MGST1: variants seen among roughly 807,000 people sequenced by gnomAD.
MGST1 encodes glutathione S-transferase 12.
In MGST1, 5 loss-of-function variants were observed where a neutral mutation model predicts 8.9. The observed-to-expected ratio is 0.56, with a 90% CI of 0.29 to 1.19. The LOEUF (loss-of-function observed/expected upper bound fraction) is 1.19. Ranked by LOEUF, MGST1 falls within the 50% of genes most tolerant of loss-of-function variation. The pLI is 0.08. For synonymous variants in MGST1, 54 were observed against 67.8 expected (o/e 0.80, Z 1.00); for missense variants, 182 against 187.4 (o/e 0.97, Z 0.17).
At chr12:16,402,541 A>AATAAG in intron 1 of MGST1, 1 of 820,928 alleles carries the variant, frequency 1.2e-6, no homozygotes, top group East Asian at 2.6e-5. Flanking sequence ...TAAGCTACTA[A>AATAAG]CACTTCTTAT....
At position 16,548,061 on chromosome 12, in the gene MGST1, C is replaced by A. The variant is rs569376964; in HGVS notation, n.483-41467C>A. Among the ~76,000 whole-genome samples the A allele has an allele frequency of 6.6e-6, 1 of 152,116 alleles. No individual in the cohort carries two copies. Among genetic ancestry groups the A allele is most frequent in the Non-Finnish European group, 1.5e-5 (1 of 68,012 alleles). On this transcript the variant is annotated intron_variant and non_coding_transcript_variant, in intron 4 of 4. Coordinates refer to the MGST1 transcript ENST00000538857. This position sits in a 1 kb window ranked among gnomAD's most constrained non-coding sequence, Gnocchi z 4.2. ...CAGAATAGAAAATTTGAAATTTAAT[C>A]TGACAACAGCAACAGAGTTGCTTTC...
rs1940115107 is a variant in MGST1 at position 16,363,928 on chromosome 12, A to G, written c.355A>G (p.Ile119Val). The change falls in exon 4 of 4, where the codon ATT becomes GTT. Residue 119 changes from isoleucine to valine, a missense_variant. Physicochemically the swap from Ile to Val is conservative, Grantham distance 29 (BLOSUM62 3). Coordinates refer to ENST00000396210, the MANE Select transcript of MGST1 (RefSeq NM_020300.5). The surrounding 1 kb of genome is among the most constrained non-coding windows in gnomAD (Gnocchi z 4.6). ...TGTCGGAGCACGGATCTACCACACC[A>G]TTGCATATTTGACACCCCTTCCCCA... ...LFVGARIYHTIAYLTPLPQPN... is the reference protein window; with the variant it reads ...LFVGARIYHTVAYLTPLPQPN... 6.2e-7 allele frequency: 1 copy of G among 1,613,920 alleles called. No individual in the cohort carries two copies. Among genetic ancestry groups the G allele is most frequent in the African/African-American group, 1.3e-5 (1 of 74,996 alleles).
intron 4 of MGST1, among the ~76,000 whole-genome samples, chr12:16,553,973 A>G (rs986880140): frequency 6.6e-6 from 1 of 151,982 alleles, no homozygotes; most frequent in Non-Finnish European, 1.5e-5. Flanking sequence ...TTGTAATCTG[A>G]CCCTAATTAC....
Position 16,560,776 on chromosome 12 carries a change from G to A in MGST1, n.483-28752G>A, listed in dbSNP as rs760069943. ...AGAAAAGGAAAAGACAAATACATTA[G>A]GAAGCTTACGTAACTGCACATAAAC... On this transcript the variant is annotated intron_variant and non_coding_transcript_variant, in intron 4 of 4. Coordinates refer to the MGST1 transcript ENST00000538857. The surrounding 1 kb of genome is among the most constrained non-coding windows in gnomAD (Gnocchi z 5.0). 3.2e-5 allele frequency: 17 copies of A among 534,052 alleles called. No homozygotes were observed. Among genetic ancestry groups the A allele is most frequent in the Admixed American group, 2.1e-4 (8 of 38,828 alleles). The allele number at this position is 534,052 out of a possible 1,614,324, so 33.1% of individuals were successfully genotyped here.
intron 1 of MGST1, among the ~76,000 whole-genome samples, chr12:16,418,670 C>A (rs1427114972): frequency 6.6e-6 from 1 of 151,972 alleles, no homozygotes; most frequent in Admixed American, 6.6e-5. Context: ...TGTTTAAATC[C>A]CACCTTTGCC....
rs1002121691 is a variant in MGST1, at chr12:16,362,228, T to C, written c.222-1567T>C. ...TAGAAAATGGTATTCCTGTCTTTTC[T>C]TTCCCATCTCATTCTCAGTAGTACT... On this transcript the variant is annotated intron_variant, in intron 3 of 3. Coordinates refer to ENST00000396210, the MANE Select transcript of MGST1 (RefSeq NM_020300.5). This position sits in a 1 kb window ranked among gnomAD's most constrained non-coding sequence, Gnocchi z 4.4. Among the ~76,000 whole-genome samples, 1 of 152,212 alleles carries C rather than the reference T, an allele frequency of 6.6e-6. No homozygotes were observed. Among genetic ancestry groups the C allele is most frequent in the Non-Finnish European group, 1.5e-5 (1 of 68,036 alleles).
intron 4 of MGST1, among the ~76,000 whole-genome samples, chr12:16,534,154 A>G (rs149259723): frequency 6.6e-6 from 1 of 152,348 alleles, no homozygotes; most frequent in African/African-American, 2.4e-5. Context: ...TTTCCAAACA[A>G]TAAAAAATCA....
At chr12:16,352,985 C>T (rs868540937) in intron 1 of MGST1, among the ~76,000 whole-genome samples, 6 of 152,012 alleles carry the variant, frequency 3.9e-5, no homozygotes, top group Admixed American at 6.6e-5. Flanking sequence ...ATTTTATCTC[C>T]ATTACATTAG....
chr12:16,356,458 G>A (rs370390917), intron 2 of MGST1, among the ~76,000 whole-genome samples: 1 of 152,074 alleles, frequency 6.6e-6, no homozygotes, highest in Non-Finnish European at 1.5e-5. Flanking sequence ...GAGGAAAACT[G>A]ATGGGCAGTA....
At chr12:16,397,498 G>A (rs571971016) in intron 1 of MGST1, among the ~76,000 whole-genome samples, 1 of 151,980 alleles carries the variant, frequency 6.6e-6, no homozygotes, top group South Asian at 2.1e-4. Context: ...CAACACAGAG[G>A]GTGGGAGAAA....
rs138351657 is a variant in MGST1, at chr12:16,516,639, A to G, written n.483-72889A>G. On this transcript the variant is annotated intron_variant and non_coding_transcript_variant, in intron 4 of 4. Transcript: ENST00000538857. Reference sequence around the variant, plus strand: ...ATCACGAATCTTGAGGTCAGAATATATCTAGAATATGAAGAAGGCAATGAG... The same window carrying G: ...ATCACGAATCTTGAGGTCAGAATATGTCTAGAATATGAAGAAGGCAATGAG... 4.8e-3 allele frequency among the ~76,000 whole-genome samples: 731 copies of G among 152,314 alleles called. 11 individuals are homozygous for G. The highest frequency in any genetic ancestry group is 0.017 in the African/African-American group (700 of 41,560).
chr12:16,444,804 C>T (rs1591730332), intron 4 of MGST1, among the ~76,000 whole-genome samples: 1 of 151,986 alleles, frequency 6.6e-6, no homozygotes, highest in East Asian at 2.0e-4. Context: ...GCAGGGCCCA[C>T]CTGACTTTAT....
At chr12:16,402,251 A>G in intron 1 of MGST1, 1 of 1,588,966 alleles carries the variant, frequency 6.3e-7, no homozygotes. Flanking sequence ...GTTCATAACC[A>G]AAGAGCCATG....
At chr12:16,388,230 A>G (rs555939896) in intron 1 of MGST1, among the ~76,000 whole-genome samples, 9 of 152,006 alleles carry the variant, frequency 5.9e-5, no homozygotes, top group South Asian at 2.1e-4. Flanking sequence ...AATGGTAAGT[A>G]TTTGTGTACC....
In MGST1 at chr12:16,478,280, G is replaced by A. The variant is rs560134048; in HGVS notation, n.482+94676G>A. On this transcript the variant is annotated intron_variant and non_coding_transcript_variant, in intron 4 of 4. Coordinates refer to the MGST1 transcript ENST00000538857. ...CTTGACCTCATGATCCGCCTGCCTC[G>A]GCTTCCCAAAGTGTTGGGATTACAG... Among the ~76,000 whole-genome samples the A allele has an allele frequency of 7.6e-4, 116 of 152,214 alleles. 1 individual carries two copies. In the Middle Eastern group the frequency reaches 0.014, roughly 18 times the overall value.
At chr12:16,421,313 G>A (rs1940833217) in intron 1 of MGST1, among the ~76,000 whole-genome samples, 1 of 152,030 alleles carries the variant, frequency 6.6e-6, no homozygotes, top group Non-Finnish European at 1.5e-5. Flanking sequence ...GTCATCTCTT[G>A]GCATGAGGAG....
intron 4 of MGST1, among the ~76,000 whole-genome samples, chr12:16,518,518 T>C (rs1482473626): frequency 6.6e-6 from 1 of 152,220 alleles, no homozygotes; most frequent in Non-Finnish European, 1.5e-5. Context: ...TTAAAAAAAA[T>C]GTTTTCCTCA....
chr12:16,514,831 G>A (rs1288870789), intron 4 of MGST1, among the ~76,000 whole-genome samples: 1 of 152,210 alleles, frequency 6.6e-6, no homozygotes, highest in Non-Finnish European at 1.5e-5. Flanking sequence ...AAAAGAACAT[G>A]TAGTGACATA....
At chr12:16,512,867 T>C (rs1941585762) in intron 4 of MGST1, among the ~76,000 whole-genome samples, 1 of 152,248 alleles carries the variant, frequency 6.6e-6, no homozygotes, top group Non-Finnish European at 1.5e-5. Context: ...CTGAGTTATG[T>C]ATATAATGAC....
Sources: allele counts gnomAD v4.1 joint callset (sites outside exome capture counted in the v4.1 genomes callset), GRCh38; gene constraint gnomAD v4.1.1; non-coding constraint Gnocchi (gnomAD v3.1); transcripts MANE v1.5; gene names NCBI Gene and HGNC (gene_info 2026-07-23, HGNC 2026-07-21).